The following TOP1 variants were observed in gnomAD, a reference collection of about 807,000 sequenced individuals.
TOP1 encodes the protein DNA topoisomerase I.
Under a neutral mutation model 111.1 loss-of-function variants are expected in TOP1, and 10 were observed. The observed-to-expected ratio is 0.09, with a 90% CI of 0.06 to 0.15. The LOEUF is 0.15. Among genes scored for constraint, TOP1 ranks in the 10% least tolerant of loss-of-function variants. TOP1 has a pLI of 1.00. For synonymous variants in TOP1, 271 were observed against 302.9 expected (o/e 0.89, Z 1.10); for missense variants, 474 against 926.7 (o/e 0.51, Z 6.34).
In TOP1 at chr20:41,058,758, C is replaced by A. The variant is rs1031869696; in HGVS notation, c.59-2636C>A. On this transcript the variant is annotated intron_variant, in intron 2 of 20. Transcript: ENST00000361337. This position sits in a 1 kb window ranked among gnomAD's most constrained non-coding sequence, Gnocchi z 4.2. ...GCGGAGTAACAAACAATCTTATAGTCAAGATTGTGTTTGTGTAAGGTTAGA... is the reference window on the plus strand; with the variant it reads ...GCGGAGTAACAAACAATCTTATAGTAAAGATTGTGTTTGTGTAAGGTTAGA... Among the ~76,000 whole-genome samples, 1 of 152,066 alleles carries A rather than the reference C, an allele frequency of 6.6e-6. No individual in the cohort carries two copies. Among genetic ancestry groups the A allele is most frequent in the African/African-American group, 2.4e-5 (1 of 41,410 alleles).
rs571318591 is a variant in TOP1 at position 41,074,489 on chromosome 20, GT to G, written c.156-1671del. Among the ~76,000 whole-genome samples the G allele has an allele frequency of 1.7e-4, 24 of 143,786 alleles. 1 individual carries two copies. The highest frequency in any genetic ancestry group is 4.0e-4 in the African/African-American group (16 of 40,202). 94.3% of individuals were successfully genotyped at this position (143,786 alleles called of 152,430 possible). On this transcript the variant is annotated intron_variant, in intron 3 of 20. Coordinates refer to ENST00000361337, the MANE Select transcript of TOP1 (RefSeq NM_003286.4). ...AGCAAGGGAAAGTGGGCATTGTTTT[GT>G]TTTTTTTTTTCTCCATCTATTTCAA...
intron 9 of TOP1, among the ~76,000 whole-genome samples, chr20:41,093,391 G>GT (rs2033943536): frequency 6.6e-6 from 1 of 152,060 alleles, no homozygotes; most frequent in South Asian, 2.1e-4. Context: ...CAGTTGTGGG[G>GT]TGGGCTTCTT....
rs149550157 is a variant in TOP1, at chr20:41,038,786, G to T, written c.58+9331G>T. Among the ~76,000 whole-genome samples, 900 of 152,222 alleles carry T rather than the reference G, an allele frequency of 5.9e-3. 7 individuals carry two copies. The highest frequency in any genetic ancestry group is 0.02 in the African/African-American group (840 of 41,514). On this transcript the variant is annotated intron_variant, in intron 2 of 20. Coordinates refer to ENST00000361337, the MANE Select transcript of TOP1 (RefSeq NM_003286.4). The stretch of plus-strand genomic sequence containing the variant: ...AGATCACTTGAGCCCAGGAGTTCAA[G>T]ATCAGCCTGGGCAACATGGGAAAAA...
rs140822387 is a variant in TOP1 at position 41,028,877 on chromosome 20, C to G, written c.-191C>G. 3.6e-6 allele frequency: 2 copies of G among 561,898 alleles called. No individual in the cohort carries two copies. Among genetic ancestry groups the G allele is most frequent in the East Asian group, 3.4e-5 (1 of 29,214 alleles). The allele number at this position is 561,898 out of a possible 1,614,324, so 34.8% of individuals were successfully genotyped here. A position where few individuals can be genotyped will look rare whatever the true frequency, so the allele number is the denominator to read the frequency against. ...CTGGGGTCTGTTCTCGCCGCCCGCCCGGCAGTCAGGCAGCGTCGCCGCCGT... is the reference window on the plus strand; with the variant it reads ...CTGGGGTCTGTTCTCGCCGCCCGCCGGGCAGTCAGGCAGCGTCGCCGCCGT... On this transcript the variant is annotated 5_prime_UTR_variant, in exon 1 of 21. Coordinates refer to ENST00000361337, the MANE Select transcript of TOP1 (RefSeq NM_003286.4).
At chr20:41,037,602 G>A (rs2033205172) in intron 2 of TOP1, among the ~76,000 whole-genome samples, 1 of 152,210 alleles carries the variant, frequency 6.6e-6, no homozygotes, top group African/African-American at 2.4e-5. Context: ...CGTGTTAACA[G>A]TTATGCGTGA....
chr20:41,052,813 A>T (rs1030584477), intron 2 of TOP1, among the ~76,000 whole-genome samples: 1 of 152,194 alleles, frequency 6.6e-6, no homozygotes, highest in Non-Finnish European at 1.5e-5. Flanking sequence ...AAACATGCTG[A>T]AACCCTATCT....
chr20:41,100,044 G>C lies in TOP1; in HGVS notation c.976-12G>C. The C allele has an allele frequency of 6.3e-7, 1 of 1,593,272 alleles. No individual in the cohort carries two copies. ...CTGAATCTATTTTGAGTACTTTCTT[G>C]CTGTCTTCCAGAAAATCAAAGAGGA... On this transcript the variant is annotated splice_polypyrimidine_tract_variant and intron_variant, in intron 11 of 20. Transcript: ENST00000361337. The surrounding 1 kb of genome is among the most constrained non-coding windows in gnomAD (Gnocchi z 4.4).
At chr20:41,038,546 G>A (rs1259042445) in intron 2 of TOP1, among the ~76,000 whole-genome samples, 3 of 152,176 alleles carry the variant, frequency 2.0e-5, no homozygotes, top group Non-Finnish European at 4.4e-5. Flanking sequence ...GGAGCATTGA[G>A]TATGATACTA....
intron 3 of TOP1, among the ~76,000 whole-genome samples, chr20:41,064,894 T>G (rs1030890102): frequency 6.6e-6 from 1 of 151,656 alleles, no homozygotes; most frequent in Non-Finnish European, 1.5e-5. Flanking sequence ...GGGGGGCTGG[T>G]TTTTTGTTTG....
rs1050150414 is a variant in TOP1 at position 41,038,877 on chromosome 20, A to G, written c.58+9422A>G. Among the ~76,000 whole-genome samples the G allele has an allele frequency of 2.0e-5, 3 of 152,018 alleles. No individual in the cohort carries two copies. The East Asian group carries it at 5.8e-4, about 29-fold the overall frequency. On this transcript the variant is annotated intron_variant, in intron 2 of 20. Transcript: ENST00000361337. ...TTGGTGCATGCCTGTAGTCCCAGCT[A>G]CTTAGAAGGCTGAGGTGGAAGGATT... is the stretch of plus-strand genomic sequence containing the variant.
intron 13 of TOP1, among the ~76,000 whole-genome samples, chr20:41,104,563 G>C (rs1368873746): frequency 6.6e-6 from 1 of 152,206 alleles, no homozygotes; most frequent in Non-Finnish European, 1.5e-5. Context: ...TTTTATTCCA[G>C]ACAATATCCA....
chr20:41,041,067 C>CATT (rs1375463842), intron 2 of TOP1, among the ~76,000 whole-genome samples: 2 of 152,224 alleles, frequency 1.3e-5, no homozygotes, highest in South Asian at 4.2e-4. Flanking sequence ...AGTCTGCCTG[C>CATT]ATTACCACGT....
In TOP1 at chr20:41,067,488, T is replaced by C. The variant is rs182028041; in HGVS notation, c.155+5998T>C. Among the ~76,000 whole-genome samples, 3 of 152,366 alleles carry C rather than the reference T, an allele frequency of 2.0e-5. No individual in the cohort carries two copies. The highest frequency in any genetic ancestry group is 2.0e-4 in the Admixed American group (3 of 15,306). On this transcript the variant is annotated intron_variant, in intron 3 of 20. Coordinates refer to ENST00000361337, the MANE Select transcript of TOP1 (RefSeq NM_003286.4). The surrounding 1 kb of genome is among the most constrained non-coding windows in gnomAD (Gnocchi z 4.0). ...TGATCTTTTTAAATAGTTTAGGGTTTCTTCGATTTCTTCTGTAGCAGATTA... is the reference window on the plus strand; with the variant it reads ...TGATCTTTTTAAATAGTTTAGGGTTCCTTCGATTTCTTCTGTAGCAGATTA...
chr20:41,072,841 A>G (rs2033683399), intron 3 of TOP1: 3 of 985,288 alleles, frequency 3.0e-6, no homozygotes, highest in East Asian at 1.1e-4. Flanking sequence ...TTAACCCTCA[A>G]TCATCTGTAT....
intron 2 of TOP1, among the ~76,000 whole-genome samples, chr20:41,041,581 G>C (rs1414218973): frequency 6.6e-6 from 1 of 152,094 alleles, no homozygotes; most frequent in African/African-American, 2.4e-5. Context: ...ACTTTTGAGA[G>C]CTTAACAGTA....
At position 41,034,106 on chromosome 20, in the gene TOP1, C is replaced by A. The variant is rs1228058772; in HGVS notation, c.58+4651C>A. Among the ~76,000 whole-genome samples the A allele has an allele frequency of 7.2e-5, 11 of 152,094 alleles. No homozygotes were observed. The highest frequency in any genetic ancestry group is 2.7e-4 in the African/African-American group (11 of 41,410). On this transcript the variant is annotated intron_variant, in intron 2 of 20. Transcript: ENST00000361337. This position sits in a 1 kb window ranked among gnomAD's most constrained non-coding sequence, Gnocchi z 4.0. The stretch of plus-strand genomic sequence containing the variant: ...TGACTATCCCTTAATTATTTTGAAA[C>A]CATTAACTTTGGATAATAAGGGCAT...
At position 41,095,577 on chromosome 20, in the gene TOP1, A is replaced by G. The variant is rs956394385; in HGVS notation, c.731-1643A>G. ...AGCTGCGCCACCTGTTGGCCTTTTA[A>G]GTTAATGGCGTCCAAAGTGGGTTCT... On this transcript the variant is annotated intron_variant, in intron 9 of 20. Coordinates refer to ENST00000361337, the MANE Select transcript of TOP1 (RefSeq NM_003286.4). The surrounding 1 kb of genome is among the most constrained non-coding windows in gnomAD (Gnocchi z 4.6). Among the ~76,000 whole-genome samples, 1 of 152,176 alleles carries G rather than the reference A, an allele frequency of 6.6e-6. No individual in the cohort carries two copies. The highest frequency in any genetic ancestry group is 1.5e-5 in the Non-Finnish European group (1 of 68,018).
chr20:41,087,102 C>G (rs1051255390), intron 8 of TOP1, among the ~76,000 whole-genome samples: 1 of 152,174 alleles, frequency 6.6e-6, no homozygotes, highest in Non-Finnish European at 1.5e-5. Flanking sequence ...CTCGTAAGTC[C>G]GCAGACCTGT....
chr20:41,089,905 G>A (rs867444500), intron 8 of TOP1, among the ~76,000 whole-genome samples: 1 of 152,082 alleles, frequency 6.6e-6, no homozygotes, highest in Admixed American at 6.6e-5. Context: ...TATTTTTGCA[G>A]GTGCTTATTG....
Sources: allele counts gnomAD v4.1 joint callset (sites outside exome capture counted in the v4.1 genomes callset), GRCh38; gene constraint gnomAD v4.1.1; non-coding constraint Gnocchi (gnomAD v3.1); transcripts MANE v1.5; gene names NCBI Gene and HGNC (gene_info 2026-07-23, HGNC 2026-07-21).